WASF1: variants seen among roughly 807,000 people sequenced by gnomAD.
WASF1 encodes actin-binding protein WASF1.
WASF1 carries 7 observed loss-of-function variants against 50.5 expected under a neutral mutation model. The ratio of observed to expected loss-of-function variants is 0.14; its 90% CI spans 0.08 to 0.26. The LOEUF is 0.26. Among genes scored for constraint, WASF1 ranks in the 10% least tolerant of loss-of-function variants. The pLI, the probability that WASF1 is intolerant of heterozygous loss-of-function variation, is 1.00. For missense variants in WASF1, 470 were observed against 694.7 expected, an observed-to-expected ratio of 0.68 and a Z score of 3.64; for synonymous variants, 205 against 244.0, an observed-to-expected ratio of 0.84 and a Z score of 1.49.
At chr6:110,146,465 T>C (rs1775566161) in intron 3 of WASF1, among the ~76,000 whole-genome samples, 1 of 151,872 alleles carries the variant, frequency 6.6e-6, no homozygotes, top group African/African-American at 2.4e-5. Flanking sequence ...TTGTGACAGA[T>C]ATTATTAAAT....
At chr6:110,147,431 C>T (rs1267646412) in intron 3 of WASF1, among the ~76,000 whole-genome samples, 1 of 151,334 alleles carries the variant, frequency 6.6e-6, no homozygotes, top group Non-Finnish European at 1.5e-5. Context: ...GAAAATAACA[C>T]ATTGCTAAGC....
intron 2 of WASF1, among the ~76,000 whole-genome samples, chr6:110,167,527 CTT>C (rs1196629520): frequency 6.6e-6 from 1 of 151,994 alleles, no homozygotes; most frequent in Non-Finnish European, 1.5e-5. Flanking sequence ...GCATCCTTTT[CTT>C]TAACTTCTGT....
At chr6:110,148,352 G>T (rs1404430267) in intron 3 of WASF1, among the ~76,000 whole-genome samples, 1 of 151,986 alleles carries the variant, frequency 6.6e-6, no homozygotes, top group East Asian at 1.9e-4. Context: ...GTATTTCCTA[G>T]AATCTAGTAT....
At chr6:110,120,924 C>T (rs1483765061) in intron 4 of WASF1, among the ~76,000 whole-genome samples, 1 of 152,016 alleles carries the variant, frequency 6.6e-6, no homozygotes, top group African/African-American at 2.4e-5. Flanking sequence ...CTGACAAAAA[C>T]AAGAAATGGG....
chr6:110,154,879 T>C (rs1775990522), intron 3 of WASF1, among the ~76,000 whole-genome samples: 1 of 152,118 alleles, frequency 6.6e-6, no homozygotes, highest in South Asian at 2.1e-4. Context: ...AAAGCCTGGA[T>C]CTTATGTAAA....
intron 1 of WASF1, among the ~76,000 whole-genome samples, 155 bp from the exon 2 acceptor site, chr6:110,178,897 A>T (rs1777060737): frequency 6.6e-6 from 1 of 152,250 alleles, no homozygotes; most frequent in Admixed American, 6.5e-5. Flanking sequence ...AACAGGCACC[A>T]GAAGCGACAG....
intron 3 of WASF1, among the ~76,000 whole-genome samples, chr6:110,136,358 T>C (rs1016226572): frequency 6.6e-6 from 1 of 152,234 alleles, no homozygotes; most frequent in African/African-American, 2.4e-5. Flanking sequence ...CCAGGGATAC[T>C]GAAAAAGAAT....
intron 2 of WASF1, among the ~76,000 whole-genome samples, chr6:110,163,116 CA>C (rs1562188511): frequency 1.3e-5 from 2 of 151,620 alleles, no homozygotes; most frequent in East Asian, 3.9e-4. Context: ...AAATTAAAAA[CA>C]TAATAACATA....
intron 3 of WASF1, among the ~76,000 whole-genome samples, chr6:110,152,770 G>A (rs141549112): frequency 2.0e-5 from 3 of 152,284 alleles, no homozygotes; most frequent in East Asian, 3.9e-4. Flanking sequence ...GTGGTAATTC[G>A]TTAAGCAGTG....
chr6:110,121,320 G>T (rs1030427530), intron 4 of WASF1, among the ~76,000 whole-genome samples: 7 of 151,954 alleles, frequency 4.6e-5, no homozygotes, highest in Admixed American at 3.9e-4. Flanking sequence ...AATCTACAAA[G>T]AACTTAAACA....
chr6:110,101,787 T>C lies in WASF1; in HGVS notation c.1323A>G (p.Ser441=). ...GAGCAAGAGCTGTAACTGTGACAGG[T>C]GATGATGGTCGAATGCCAGGTGGAG... ...PLPPPGIRPS[S]PVTVTALAHP... The change falls in exon 10 of 11, where the codon TCA becomes TCG. Residue 441 remains serine (S), a synonymous_variant. Transcript: ENST00000392589. The C allele has an allele frequency of 6.2e-7, 1 of 1,613,918 alleles. No individual in the cohort carries two copies. The highest frequency in any genetic ancestry group is 8.5e-7 in the Non-Finnish European group (1 of 1,179,980).
At chr6:110,112,574 AC>A (rs934548251) in intron 5 of WASF1, among the ~76,000 whole-genome samples, 2 of 152,146 alleles carry the variant, frequency 1.3e-5, no homozygotes, top group African/African-American at 4.8e-5. Context: ...AACTAATAAG[AC>A]TTTAGCAATA....
chr6:110,124,268 C>CTATATA (rs1774308811), intron 4 of WASF1, among the ~76,000 whole-genome samples: 4 of 59,272 alleles, frequency 6.7e-5, no homozygotes, highest in African/African-American at 9.5e-5. Context: ...CTCTCTCTCT[C>CTATATA]TCTCTCTATA....
At chr6:110,119,686 T>C (rs1299742717) in intron 4 of WASF1, among the ~76,000 whole-genome samples, 1 of 152,148 alleles carries the variant, frequency 6.6e-6, no homozygotes, top group Non-Finnish European at 1.5e-5. Flanking sequence ...CCTAACTCAT[T>C]TTATGAGGCT....
intron 3 of WASF1, among the ~76,000 whole-genome samples, chr6:110,152,372 C>T (rs988883280): frequency 6.6e-6 from 1 of 152,142 alleles, no homozygotes; most frequent in Admixed American, 6.5e-5. Flanking sequence ...CAAAAACTTA[C>T]TCTGGTTAAC....
intron 2 of WASF1, among the ~76,000 whole-genome samples, chr6:110,167,325 G>A (rs1216159602): frequency 6.6e-6 from 1 of 151,340 alleles, no homozygotes; most frequent in East Asian, 1.9e-4. Flanking sequence ...GTTAGAAAGA[G>A]CCTCAGGCAG....
rs1773097088 is a variant in WASF1, at chr6:110,101,721, T to G, written c.1389A>C (p.Pro463=). The G allele has an allele frequency of 3.7e-6, 6 of 1,614,072 alleles. No homozygotes were observed. The highest frequency in any genetic ancestry group is 1.3e-5 in the African/African-American group (1 of 75,016). ...SGLHPTPSTA[P]GPHVPLMPPS... ...GAGGCATTAATGGAACATGGGGACCTGGGGCAGTAGATGGAGTTGGATGTA... is the reference window on the plus strand; with the variant it reads ...GAGGCATTAATGGAACATGGGGACCGGGGGCAGTAGATGGAGTTGGATGTA... Residue 463 remains proline (P), a synonymous_variant, in exon 10 of 11, where the codon CCA becomes CCC. Coordinates refer to ENST00000392589, the MANE Select transcript of WASF1 (RefSeq NM_003931.3).
Position 110,100,510 on chromosome 6 carries a change from A to G in WASF1, c.*12T>C. ...TGCATTCAGTTTTGTAATATTTATCAATGCATTTTTCTTACTCCAACCAAT... is the reference window on the plus strand; with the variant it reads ...TGCATTCAGTTTTGTAATATTTATCGATGCATTTTTCTTACTCCAACCAAT... On this transcript the variant is annotated 3_prime_UTR_variant, in exon 11 of 11. Transcript: ENST00000392589. 1 of 1,603,170 alleles carries G rather than the reference A, an allele frequency of 6.2e-7. No individual in the cohort carries two copies. Among genetic ancestry groups the G allele is most frequent in the South Asian group, 1.1e-5 (1 of 89,700 alleles).
At chr6:110,133,652 T>C (rs1774803143) in intron 3 of WASF1, among the ~76,000 whole-genome samples, 1 of 152,186 alleles carries the variant, frequency 6.6e-6, no homozygotes, top group African/African-American at 2.4e-5. Context: ...GTGACCATTT[T>C]CTCATGTTTT....
Sources: allele counts gnomAD v4.1 joint callset (sites outside exome capture counted in the v4.1 genomes callset), GRCh38; gene constraint gnomAD v4.1.1; transcripts MANE v1.5; gene names NCBI Gene and HGNC (gene_info 2026-07-23, HGNC 2026-07-21).